ACOXL: variants seen among roughly 807,000 people sequenced by gnomAD.
ACOXL encodes acyl-coenzyme A oxidase-like protein.
ACOXL carries 70 observed loss-of-function variants against 71.9 expected under a neutral mutation model. The observed-to-expected ratio is 0.97, with a 90% CI of 0.80 to 1.19. The LOEUF (loss-of-function observed/expected upper bound fraction) is 1.19. ACOXL is among the 50% of genes most tolerant of loss of function. The pLI, the probability that ACOXL is intolerant of heterozygous loss-of-function variation, is 0.00. For synonymous variants in ACOXL, 253 were observed against 281.6 expected, an observed-to-expected ratio of 0.90 and a Z score of 1.02; for missense variants, 703 against 736.3, an observed-to-expected ratio of 0.95 and a Z score of 0.52.
At chr2:110,863,969 C>T (rs1311023588) in intron 10 of ACOXL, among the ~76,000 whole-genome samples, 2 of 152,170 alleles carry the variant, frequency 1.3e-5, no homozygotes, top group Non-Finnish European at 2.9e-5. Flanking sequence ...TCTCCAATTT[C>T]TGTTTTTCCT....
intron 10 of ACOXL, among the ~76,000 whole-genome samples, chr2:110,861,504 T>C (rs1347884070): frequency 6.6e-6 from 1 of 152,110 alleles, no homozygotes; most frequent in African/African-American, 2.4e-5. Flanking sequence ...ATTTGTCCTA[T>C]TCCCCCCACT....
At chr2:110,759,418 T>C (rs1322758378) in intron 1 of ACOXL, among the ~76,000 whole-genome samples, 1 of 152,226 alleles carries the variant, frequency 6.6e-6, no homozygotes, top group Non-Finnish European at 1.5e-5. Flanking sequence ...TTGAACACTT[T>C]ACTGTTATGT....
At chr2:111,080,308 G>A (rs2067838917) in intron 16 of ACOXL, among the ~76,000 whole-genome samples, 1 of 152,166 alleles carries the variant, frequency 6.6e-6, no homozygotes, top group Admixed American at 6.5e-5. Context: ...TAATTGTGAT[G>A]TTAAGGTGTC....
intron 17 of ACOXL, among the ~76,000 whole-genome samples, chr2:111,101,543 GT>G (rs1417287137): frequency 6.6e-6 from 1 of 151,924 alleles, no homozygotes; most frequent in Admixed American, 6.6e-5. Flanking sequence ...ATGAACTAAG[GT>G]TTAGGCACAG....
intron 2 of ACOXL, among the ~76,000 whole-genome samples, chr2:110,772,214 C>T (rs1295187218): frequency 6.6e-6 from 1 of 152,288 alleles, no homozygotes; most frequent in South Asian, 2.1e-4. Context: ...GATTCAAACC[C>T]AGGTGCTCTG....
At chr2:110,736,688 C>T (rs918091028) in intron 1 of ACOXL, among the ~76,000 whole-genome samples, 8 of 149,698 alleles carry the variant, frequency 5.3e-5, no homozygotes, top group Admixed American at 3.3e-4. Flanking sequence ...GGTGCAATCT[C>T]GGCTCACTGC....
At chr2:110,743,874 A>T (rs1291368948) in intron 1 of ACOXL, among the ~76,000 whole-genome samples, 4 of 152,166 alleles carry the variant, frequency 2.6e-5, no homozygotes, top group Non-Finnish European at 4.4e-5. Context: ...GTGAAATCCC[A>T]CTGGCTGACT....
At chr2:110,765,936 A>G (rs1189230688) in intron 1 of ACOXL, among the ~76,000 whole-genome samples, 1 of 152,206 alleles carries the variant, frequency 6.6e-6, no homozygotes, top group East Asian at 1.9e-4. Context: ...GAGTTCATCT[A>G]GTGAGATTTA....
chr2:110,982,996 G>GGCTCCTTGGAGCA (rs2062781083), intron 12 of ACOXL, among the ~76,000 whole-genome samples: 1 of 152,094 alleles, frequency 6.6e-6, no homozygotes, highest in Non-Finnish European at 1.5e-5. Flanking sequence ...GTCTACCTAG[G>GGCTCCTTGGAGCA]GCTCCTTGGA....
At chr2:111,111,902 C>G (rs914510599) in intron 17 of ACOXL, among the ~76,000 whole-genome samples, 2 of 152,134 alleles carry the variant, frequency 1.3e-5, no homozygotes, top group Non-Finnish European at 2.9e-5. Flanking sequence ...GTTCAAAGCC[C>G]TTTTTCTCTA....
intron 15 of ACOXL, among the ~76,000 whole-genome samples, chr2:111,032,880 G>A (rs1033982245): frequency 2.6e-5 from 4 of 152,172 alleles, no homozygotes; most frequent in African/African-American, 4.8e-5. Flanking sequence ...TGTGGGAGCC[G>A]CCCTAGGAGC....
At chr2:110,923,033 G>T in intron 11 of ACOXL, among the ~76,000 whole-genome samples, 1 of 152,090 alleles carries the variant, frequency 6.6e-6, no homozygotes, top group Non-Finnish European at 1.5e-5. Context: ...TTTCATTCCC[G>T]GTCTCCCTAC....
chr2:111,047,675 C>T (rs1008630240), intron 15 of ACOXL, among the ~76,000 whole-genome samples: 13 of 152,182 alleles, frequency 8.5e-5, no homozygotes, highest in Admixed American at 2.6e-4. Flanking sequence ...GGGCCCTTAT[C>T]TCAATGTACA....
intron 14 of ACOXL, among the ~76,000 whole-genome samples, chr2:111,017,494 C>G (rs538871200): frequency 6.6e-6 from 1 of 152,318 alleles, no homozygotes; most frequent in East Asian, 1.9e-4. Flanking sequence ...CACTAGAGGC[C>G]AAGTGGGGAG....
intron 9 of ACOXL, among the ~76,000 whole-genome samples, chr2:110,820,783 G>A (rs1254228107): frequency 6.6e-6 from 1 of 152,166 alleles, no homozygotes; most frequent in Non-Finnish European, 1.5e-5. Context: ...GGTTGGGTTG[G>A]CCCAGATTTG....
intron 17 of ACOXL, among the ~76,000 whole-genome samples, chr2:111,115,281 A>T (rs951813498): frequency 6.6e-6 from 1 of 152,214 alleles, no homozygotes; most frequent in Non-Finnish European, 1.5e-5. Flanking sequence ...CTAAACTTTA[A>T]TAATACACTG....
intron 8 of ACOXL, among the ~76,000 whole-genome samples, chr2:110,804,352 T>C (rs1686369462): frequency 6.6e-6 from 1 of 152,184 alleles, no homozygotes; most frequent in African/African-American, 2.4e-5. Context: ...ATTAGGACTG[T>C]TTGTTATACA....
intron 11 of ACOXL, among the ~76,000 whole-genome samples, chr2:110,914,692 A>T (rs1336273862): frequency 6.6e-6 from 1 of 152,136 alleles, no homozygotes; most frequent in African/African-American, 2.4e-5. Flanking sequence ...ATTACACTGG[A>T]CAAAACCTTC....
At chr2:110,765,179 C>G (rs1680893316) in intron 1 of ACOXL, among the ~76,000 whole-genome samples, 1 of 152,140 alleles carries the variant, frequency 6.6e-6, no homozygotes, top group East Asian at 1.9e-4. Flanking sequence ...ATAAGTAACC[C>G]ATCATTTCTC....
Sources: gnomAD v4.1 joint callset for allele counts (sites outside exome capture counted in the v4.1 genomes callset) on GRCh38, gnomAD v4.1.1 for gene constraint, MANE v1.5 for transcripts, NCBI Gene and HGNC (gene_info 2026-07-23, HGNC 2026-07-21) for gene names.